VEPH1: variants seen among roughly 807,000 people sequenced by gnomAD.
VEPH1 encodes the protein ventricular zone-expressed PH domain-containing protein homolog 1.
Under a neutral mutation model 85.2 loss-of-function variants are expected in VEPH1, and 80 were observed. The observed-to-expected ratio is 0.94, with a 90% CI of 0.78 to 1.13. VEPH1 has a LOEUF of 1.13. VEPH1 is among the 50% of genes most tolerant of loss of function. VEPH1 has a pLI of 0.00. For missense variants in VEPH1, 955 were observed against 980.5 expected (o/e 0.97, Z 0.35); for synonymous variants, 297 against 348.0 (o/e 0.85, Z 1.63).
intron 5 of VEPH1, among the ~76,000 whole-genome samples, chr3:157,417,881 T>C (rs1471027672): frequency 6.6e-6 from 1 of 152,142 alleles, no homozygotes. Flanking sequence ...ATTTAGAATG[T>C]TTGGACTCTG....
At chr3:157,438,329 T>C (rs1211935639) in intron 4 of VEPH1, among the ~76,000 whole-genome samples, 1 of 152,000 alleles carries the variant, frequency 6.6e-6, no homozygotes, top group African/African-American at 2.4e-5. Context: ...TCTTCTAATT[T>C]TATCCTGCCT....
chr3:157,330,708 C>A (rs1722401024), intron 9 of VEPH1, among the ~76,000 whole-genome samples: 2 of 152,122 alleles, frequency 1.3e-5, no homozygotes, highest in South Asian at 4.2e-4. Flanking sequence ...ATCATGGAGC[C>A]TTGTCTTGCT....
chr3:157,445,264 C>A (rs1348976450), intron 4 of VEPH1, among the ~76,000 whole-genome samples: 1 of 152,122 alleles, frequency 6.6e-6, no homozygotes, highest in Non-Finnish European at 1.5e-5. Context: ...ATACTTTTGT[C>A]GTGTTTAATC....
At position 157,367,453 on chromosome 3, in the gene VEPH1, T is replaced by A. The variant is rs1726834837; in HGVS notation, c.1128-2941A>T. 2.0e-5 allele frequency among the ~76,000 whole-genome samples: 3 copies of A among 152,200 alleles called. No homozygotes were observed. In the South Asian group the frequency reaches 6.2e-4, roughly 32 times the overall value. On this transcript the variant is annotated intron_variant, in intron 7 of 13. Transcript: ENST00000362010. ...TAATGGACTTACCACACAAGAAATT[T>A]TGGGGAGTATTTATTTTCTATCCAC...
intron 4 of VEPH1, among the ~76,000 whole-genome samples, chr3:157,447,131 T>C (rs1010532754): frequency 6.6e-6 from 1 of 152,184 alleles, no homozygotes; most frequent in Non-Finnish European, 1.5e-5. Context: ...AATAAATGAA[T>C]GTAAGGATTC....
intron 7 of VEPH1, 83 bp downstream of exon 7, chr3:157,381,073 G>A: frequency 7.1e-7 from 1 of 1,399,618 alleles, no homozygotes; most frequent in South Asian, 1.2e-5. Context: ...GCTTCCTTTG[G>A]AAGTTAGAGA....
chr3:157,390,910 A>G lies in VEPH1; in HGVS notation c.907-9534T>C, dbSNP rs187361937. Among the ~76,000 whole-genome samples, 18 of 151,780 alleles carry G rather than the reference A, an allele frequency of 1.2e-4. No individual in the cohort carries two copies. In the East Asian group the frequency reaches 3.3e-3, roughly 28 times the overall value. On this transcript the variant is annotated intron_variant, in intron 6 of 13. Coordinates refer to ENST00000362010, the MANE Select transcript of VEPH1 (RefSeq NM_001167912.2). ...GGGCTCCATGGTTGCTGGCATCTCC[A>G]AGTTTTTGGGCACCACCACATTCCT...
In VEPH1 at chr3:157,292,731, C is replaced by A. The variant is rs138793533; in HGVS notation, c.2011-6057G>T. 3.4e-3 allele frequency among the ~76,000 whole-genome samples: 510 copies of A among 149,302 alleles called. 2 individuals carry two copies. The highest frequency in any genetic ancestry group is 0.012 in the African/African-American group (482 of 40,338). ...GGGTGCAGTGGCTCATGCCTGTAAT[C>A]CCAGCACTTTGGGAGGCGGAGGTGG... On this transcript the variant is annotated intron_variant, in intron 11 of 13. Coordinates refer to ENST00000362010, the MANE Select transcript of VEPH1 (RefSeq NM_001167912.2).
intron 1 of VEPH1, among the ~76,000 whole-genome samples, chr3:157,499,941 G>C (rs2109787210): frequency 6.6e-6 from 1 of 152,310 alleles, no homozygotes; most frequent in South Asian, 2.1e-4. Flanking sequence ...TGTTCGTCCA[G>C]TAAGAGTCAC....
At chr3:157,449,321 A>G (rs563616627) in intron 4 of VEPH1, among the ~76,000 whole-genome samples, 5 of 152,302 alleles carry the variant, frequency 3.3e-5, no homozygotes, top group Admixed American at 1.3e-4. Context: ...AAATTTTACT[A>G]AAGAAGAGAC....
chr3:157,407,943 T>G (rs1411637404), intron 6 of VEPH1, among the ~76,000 whole-genome samples: 3 of 152,184 alleles, frequency 2.0e-5, no homozygotes, highest in Non-Finnish European at 4.4e-5. Flanking sequence ...TGCCCATAGC[T>G]GGTGAGTGGC....
chr3:157,380,208 T>C (rs915163078), intron 7 of VEPH1, among the ~76,000 whole-genome samples: 1 of 152,184 alleles, frequency 6.6e-6, no homozygotes, highest in Non-Finnish European at 1.5e-5. Context: ...AATTTCCTCA[T>C]GGCCAACACC....
At chr3:157,312,898 A>C (rs202031834) in intron 11 of VEPH1, among the ~76,000 whole-genome samples, 15 of 89,684 alleles carry the variant, frequency 1.7e-4, no homozygotes, top group African/African-American at 3.5e-4. Flanking sequence ...TTAAAAAAAA[A>C]CATTTTTTTT....
At chr3:157,478,879 C>G (rs868359769) in intron 2 of VEPH1, among the ~76,000 whole-genome samples, 1 of 152,102 alleles carries the variant, frequency 6.6e-6, no homozygotes, top group African/African-American at 2.4e-5. Context: ...CAGCACTTTA[C>G]TACAAAGAGA....
At chr3:157,278,620 T>A (rs1715698482) in intron 12 of VEPH1, among the ~76,000 whole-genome samples, 1 of 152,174 alleles carries the variant, frequency 6.6e-6, no homozygotes, top group Non-Finnish European at 1.5e-5. Flanking sequence ...TTCAGAGTAG[T>A]TCAGTGAGGA....
chr3:157,456,489 G>A (rs972253371), intron 4 of VEPH1, among the ~76,000 whole-genome samples: 2 of 152,038 alleles, frequency 1.3e-5, no homozygotes, highest in South Asian at 2.1e-4. Flanking sequence ...ATCTTCCAGC[G>A]TTTTTATAGT....
chr3:157,427,272 C>T (rs1428907879), intron 5 of VEPH1, among the ~76,000 whole-genome samples: 1 of 152,144 alleles, frequency 6.6e-6, no homozygotes, highest in South Asian at 2.1e-4. Flanking sequence ...GCGTGAGCCA[C>T]CACACCCAGC....
chr3:157,451,842 G>A (rs899802872), intron 4 of VEPH1, among the ~76,000 whole-genome samples: 2 of 152,124 alleles, frequency 1.3e-5, no homozygotes, highest in African/African-American at 4.8e-5. Flanking sequence ...AACCTTGGAA[G>A]AGCTGCAGAT....
At chr3:157,340,734 G>T (rs150363980) in intron 9 of VEPH1, among the ~76,000 whole-genome samples, 1,883 of 152,306 alleles carry the variant, frequency 0.012, 22 homozygotes, top group Non-Finnish European at 0.019. Context: ...TCCTCAAGTG[G>T]ATCCCTGACC....
Sources: gnomAD v4.1 joint callset for allele counts (sites outside exome capture counted in the v4.1 genomes callset) on GRCh38, gnomAD v4.1.1 for gene constraint, MANE v1.5 for transcripts, NCBI Gene and HGNC (gene_info 2026-07-23, HGNC 2026-07-21) for gene names.